Variants in TAFA1 observed in about 807,000 individuals in gnomAD.
TAFA1 encodes chemokine-like protein TAFA-1.
A neutral mutation model predicts 18.5 loss-of-function variants in TAFA1; 4 were observed. That is an observed-to-expected ratio of 0.22 (90% CI 0.11 to 0.49). The LOEUF (loss-of-function observed/expected upper bound fraction) is 0.49. Among genes scored for constraint, TAFA1 ranks in the 20% least tolerant of loss-of-function variants. TAFA1 has a pLI of 0.98. For synonymous variants in TAFA1, 56 were observed against 55.2 expected (o/e 1.01, Z -0.06); for missense variants, 147 against 169.0 (o/e 0.87, Z 0.72).
intron 3 of TAFA1, among the ~76,000 whole-genome samples, chr3:68,425,301 G>C (rs2071031582): frequency 6.6e-6 from 1 of 151,936 alleles, no homozygotes; most frequent in Non-Finnish European, 1.5e-5. Context: ...TGCCACAAAG[G>C]CTGGCTGTGG....
intron 3 of TAFA1, among the ~76,000 whole-genome samples, chr3:68,500,239 T>C (rs1418501256): frequency 6.6e-6 from 1 of 152,140 alleles, no homozygotes; most frequent in Non-Finnish European, 1.5e-5. Flanking sequence ...AACCAGTGCT[T>C]TTCAAACTCT....
intron 2 of TAFA1, among the ~76,000 whole-genome samples, chr3:68,289,721 G>A (rs926027844): frequency 5.3e-5 from 8 of 152,190 alleles, no homozygotes; most frequent in African/African-American, 1.9e-4. Context: ...TTTTGCAGAT[G>A]AATAGAATGA....
intron 2 of TAFA1, among the ~76,000 whole-genome samples, chr3:68,263,719 G>C (rs1309896057): frequency 6.6e-6 from 1 of 151,990 alleles, no homozygotes; most frequent in Admixed American, 6.6e-5. Context: ...ACCATCCCCT[G>C]CCATTCTCTG....
chr3:68,297,448 C>A (rs1210880763), intron 2 of TAFA1, among the ~76,000 whole-genome samples: 1 of 152,078 alleles, frequency 6.6e-6, no homozygotes, highest in African/African-American at 2.4e-5. Flanking sequence ...ACAGAGACAC[C>A]ACAGCTACCC....
intron 2 of TAFA1, among the ~76,000 whole-genome samples, chr3:68,072,544 T>C (rs1477461409): frequency 6.6e-6 from 1 of 151,816 alleles, no homozygotes; most frequent in Non-Finnish European, 1.5e-5. Flanking sequence ...GGGGAAGAGA[T>C]AGAACAAGGA....
intron 2 of TAFA1, among the ~76,000 whole-genome samples, chr3:68,410,487 T>G (rs1275809472): frequency 6.6e-6 from 1 of 152,080 alleles, no homozygotes; most frequent in East Asian, 1.9e-4. Context: ...TTTAGGGTTT[T>G]GGGCTAATTT....
intron 2 of TAFA1, among the ~76,000 whole-genome samples, chr3:68,416,043 C>T (rs912454617): frequency 1.3e-5 from 2 of 152,160 alleles, no homozygotes; most frequent in Non-Finnish European, 2.9e-5. Flanking sequence ...AGCCCTGCTT[C>T]CTACCTGAAA....
chr3:68,460,794 C>A (rs1324055868), intron 3 of TAFA1, among the ~76,000 whole-genome samples: 1 of 152,208 alleles, frequency 6.6e-6, no homozygotes, highest in Non-Finnish European at 1.5e-5. Flanking sequence ...GTATTTCAAA[C>A]AAGTTCCCAG....
chr3:68,354,403 C>G (rs143750159), intron 2 of TAFA1, among the ~76,000 whole-genome samples: 3 of 151,944 alleles, frequency 2.0e-5, no homozygotes, highest in Admixed American at 2.0e-4. Flanking sequence ...TGCTACTGCT[C>G]TTTTAGGCAT....
chr3:68,503,150 T>C (rs963804570), intron 3 of TAFA1, among the ~76,000 whole-genome samples: 1 of 152,108 alleles, frequency 6.6e-6, no homozygotes, highest in Admixed American at 6.6e-5. Context: ...TGAGTCGAAA[T>C]GCAGATGAAC....
At chr3:68,438,856 C>G (rs2071312812) in intron 3 of TAFA1, among the ~76,000 whole-genome samples, 1 of 152,128 alleles carries the variant, frequency 6.6e-6, no homozygotes, top group South Asian at 2.1e-4. Context: ...ACTTGAGCCA[C>G]AGCTAGGATG....
At chr3:68,039,529 ATTC>A (rs1425155982) in intron 2 of TAFA1, among the ~76,000 whole-genome samples, 1 of 152,118 alleles carries the variant, frequency 6.6e-6, no homozygotes, top group African/African-American at 2.4e-5. Flanking sequence ...ATATGATGTC[ATTC>A]TTATTATTCT....
intron 3 of TAFA1, among the ~76,000 whole-genome samples, chr3:68,425,031 G>C (rs2071024963): frequency 1.3e-5 from 2 of 152,090 alleles, no homozygotes; most frequent in South Asian, 4.1e-4. Context: ...GCTGGCCAGA[G>C]AGTACACAAC....
intron 2 of TAFA1, among the ~76,000 whole-genome samples, chr3:68,181,128 G>C (rs1405229993): frequency 2.0e-5 from 3 of 152,164 alleles, no homozygotes; most frequent in African/African-American, 7.2e-5. Context: ...GCACATGAGT[G>C]AGTAGATCCT....
chr3:68,147,039 G>GTGTATA (rs780205455), intron 2 of TAFA1, among the ~76,000 whole-genome samples: 2 of 148,262 alleles, frequency 1.3e-5, no homozygotes, highest in East Asian at 2.0e-4. Context: ...GTGTGTGTGT[G>GTGTATA]TATATATATA....
chr3:68,056,115 C>T (rs1367335522), intron 2 of TAFA1, among the ~76,000 whole-genome samples: 1 of 152,176 alleles, frequency 6.6e-6, no homozygotes, highest in East Asian at 1.9e-4. Flanking sequence ...CTAGTGCATC[C>T]TCTTCCAGCT....
rs758965390 is a variant in TAFA1, at chr3:68,335,580, C to T, written c.119-81700C>T. 4.6e-5 allele frequency among the ~76,000 whole-genome samples: 7 copies of T among 152,052 alleles called. 1 individual carries two copies. The highest frequency in any genetic ancestry group is 7.4e-5 in the Non-Finnish European group (5 of 67,974). ...CCAATGGTTTATGGAAACAGTGGGA[C>T]AAATTTTTTTTTAATTGGAGAGGAT... On this transcript the variant is annotated intron_variant, in intron 2 of 4. Transcript: ENST00000478136.
intron 2 of TAFA1, among the ~76,000 whole-genome samples, chr3:68,056,409 C>T (rs1452078719): frequency 6.6e-6 from 1 of 152,136 alleles, no homozygotes; most frequent in Non-Finnish European, 1.5e-5. Flanking sequence ...AGTCCCATGT[C>T]CCAGGAACAC....
At chr3:68,405,253 T>A (rs1187500825) in intron 2 of TAFA1, among the ~76,000 whole-genome samples, 2 of 152,162 alleles carry the variant, frequency 1.3e-5, no homozygotes, top group African/African-American at 4.8e-5. Context: ...AAGAAGTTAA[T>A]GATTATTGTT....
Sources: gnomAD v4.1 joint callset for allele counts (sites outside exome capture counted in the v4.1 genomes callset) on GRCh38, gnomAD v4.1.1 for gene constraint, MANE v1.5 for transcripts, NCBI Gene and HGNC (gene_info 2026-07-23, HGNC 2026-07-21) for gene names.